NTM: variants seen among roughly 807,000 people sequenced by gnomAD.
NTM encodes the protein neurotrimin.
A neutral mutation model predicts 42.1 loss-of-function variants in NTM; 13 were observed. The observed-to-expected ratio is 0.31, with a 90% confidence interval of 0.20 to 0.49. NTM has a LOEUF of 0.49. Ranked by LOEUF, NTM falls within the 20% of genes least tolerant of loss-of-function variation. NTM has a pLI of 0.99. For missense variants in NTM, 373 were observed against 452.8 expected (o/e 0.82, Z 1.60); for synonymous variants, 187 against 179.2 (o/e 1.04, Z -0.35).
At chr11:132,262,696 T>C (rs992857544) in intron 4 of NTM, among the ~76,000 whole-genome samples, 1 of 152,160 alleles carries the variant, frequency 6.6e-6, no homozygotes, top group African/African-American at 2.4e-5. Flanking sequence ...GTCTTCAACA[T>C]AGGAATTTTG....
rs369483408 is a variant in NTM, at chr11:131,391,711, G to T, written c.82+20823G>T. ...GATTGGGTGCGGGAGGAGAGGGTCG[G>T]GAGACAGAAACAGGCTCCCAGCACC... On this transcript the variant is annotated intron_variant, in intron 1 of 8. Coordinates refer to ENST00000683400, the MANE Select transcript of NTM (RefSeq NM_001352005.2). Among the ~76,000 whole-genome samples, 5 of 151,320 alleles carry T rather than the reference G, an allele frequency of 3.3e-5. No homozygotes were observed. In the East Asian group the frequency reaches 9.8e-4, roughly 30 times the overall value.
rs1371767218 is a variant in NTM, at chr11:131,457,710, T to C, written c.82+86822T>C. 2.0e-5 allele frequency among the ~76,000 whole-genome samples: 3 copies of C among 149,852 alleles called. No individual in the cohort carries two copies. The East Asian group carries it at 6.0e-4, about 30-fold the overall frequency. On this transcript the variant is annotated intron_variant, in intron 1 of 8. Coordinates refer to ENST00000683400, the MANE Select transcript of NTM (RefSeq NM_001352005.2). ...GGAATCATATGTGCAATGCACTAAA[T>C]GTTTTTGTCCTCCCCCCCCAAATTT...
At chr11:131,453,965 A>G (rs989139833) in intron 1 of NTM, among the ~76,000 whole-genome samples, 3 of 152,218 alleles carry the variant, frequency 2.0e-5, no homozygotes, top group South Asian at 2.1e-4. Context: ...ACCTTCCAGC[A>G]TCATTTCCAT....
At chr11:132,222,292 A>G (rs2085330845) in intron 4 of NTM, among the ~76,000 whole-genome samples, 1 of 152,180 alleles carries the variant, frequency 6.6e-6, no homozygotes, top group Non-Finnish European at 1.5e-5. Flanking sequence ...GGACGGACAC[A>G]GCCTCCCTCT....
intron 1 of NTM, among the ~76,000 whole-genome samples, chr11:131,885,232 C>T (rs1009296520): frequency 2.6e-5 from 4 of 152,312 alleles, no homozygotes; most frequent in Non-Finnish European, 5.9e-5. Context: ...ACTGGGTATA[C>T]AACAGCAAAC....
chr11:132,322,426 CAAA>C (rs1365043518), intron 7 of NTM, among the ~76,000 whole-genome samples: 3 of 140,738 alleles, frequency 2.1e-5, no homozygotes, highest in Non-Finnish European at 4.6e-5. Context: ...TCAAAAGAGA[CAAA>C]GAAGGCCATT....
At chr11:131,489,211 A>T (rs1954507526) in intron 1 of NTM, among the ~76,000 whole-genome samples, 1 of 152,124 alleles carries the variant, frequency 6.6e-6, no homozygotes, top group South Asian at 2.1e-4. Context: ...CTATGCCCTC[A>T]GATTCATTCT....
intron 1 of NTM, among the ~76,000 whole-genome samples, chr11:131,636,940 C>T (rs2064476602): frequency 1.3e-5 from 2 of 152,148 alleles, no homozygotes; most frequent in South Asian, 4.2e-4. Flanking sequence ...TTCATGGTGG[C>T]TTCCGCTCAG....
chr11:131,899,944 G>A (rs1399987302), intron 1 of NTM, among the ~76,000 whole-genome samples: 3 of 152,216 alleles, frequency 2.0e-5, no homozygotes, highest in Non-Finnish European at 2.9e-5. Context: ...TTCCTCAGCT[G>A]TGCTGGTCAC....
At chr11:131,651,949 G>A (rs1057306348) in intron 1 of NTM, among the ~76,000 whole-genome samples, 5 of 151,992 alleles carry the variant, frequency 3.3e-5, no homozygotes, top group Non-Finnish European at 5.9e-5. Flanking sequence ...CTGAGGTCAG[G>A]GAACAGATAG....
chr11:131,732,867 A>T (rs1347201115), intron 1 of NTM, among the ~76,000 whole-genome samples: 1 of 152,138 alleles, frequency 6.6e-6, no homozygotes, highest in Admixed American at 6.5e-5. Flanking sequence ...GTTCCCAATG[A>T]TATCTTTCAG....
At chr11:131,851,433 C>T (rs149115280) in intron 1 of NTM, among the ~76,000 whole-genome samples, 19 of 152,230 alleles carry the variant, frequency 1.2e-4, no homozygotes, top group African/African-American at 3.9e-4. Context: ...GTATGGCTAA[C>T]ATTTTCATTC....
intron 2 of NTM, chr11:132,141,219 CT>C (rs759205470): frequency 3.3e-5 from 5 of 151,368 alleles, no homozygotes; most frequent in Non-Finnish European, 5.9e-5. Context: ...TTCTCTCTCT[CT>C]TTCTCTCTCT....
intron 2 of NTM, among the ~76,000 whole-genome samples, chr11:132,007,010 C>G (rs2070945167): frequency 1.3e-5 from 2 of 152,204 alleles, no homozygotes; most frequent in South Asian, 4.1e-4. Context: ...CTCCTGGGCA[C>G]TCTCTTTCCT....
intron 4 of NTM, among the ~76,000 whole-genome samples, chr11:132,236,320 G>C (rs1423220450): frequency 1.3e-5 from 2 of 152,102 alleles, no homozygotes; most frequent in Non-Finnish European, 2.9e-5. Flanking sequence ...AACTTTTGTG[G>C]CAATTTTTTA....
At chr11:131,518,003 C>G (rs191048523) in intron 1 of NTM, among the ~76,000 whole-genome samples, 3 of 152,344 alleles carry the variant, frequency 2.0e-5, no homozygotes, top group Non-Finnish European at 4.4e-5. Flanking sequence ...TATCATGTCT[C>G]TCATTTGTAT....
In NTM at chr11:131,910,465, C is replaced by A. The variant is rs866921549; in HGVS notation, c.83-1099C>A. ...CGGCGGGGGTTAAGGTGGGCGCCCG[C>A]GCCCCGCGCCCCGCGCCCTCCCGCC... On this transcript the variant is annotated intron_variant, in intron 1 of 8. Transcript: ENST00000683400. Among the ~76,000 whole-genome samples the A allele has an allele frequency of 2.0e-4, 30 of 151,310 alleles. 1 individual carries two copies. The East Asian group carries it at 4.5e-3, about 23-fold the overall frequency.
intron 1 of NTM, among the ~76,000 whole-genome samples, chr11:131,797,224 G>T (rs1437959813): frequency 6.6e-6 from 1 of 152,132 alleles, no homozygotes; most frequent in Non-Finnish European, 1.5e-5. Context: ...GTTTTCAAGG[G>T]TGAGTAAAAG....
chr11:131,481,473 G>C (rs1299350876), intron 1 of NTM, among the ~76,000 whole-genome samples: 1 of 152,210 alleles, frequency 6.6e-6, no homozygotes, highest in Non-Finnish European at 1.5e-5. Context: ...GGAGAAGAAG[G>C]GGGAGAACTT....
Sources: allele counts gnomAD v4.1 joint callset (sites outside exome capture counted in the v4.1 genomes callset), GRCh38; gene constraint gnomAD v4.1.1; transcripts MANE v1.5; gene names NCBI Gene and HGNC (gene_info 2026-07-23, HGNC 2026-07-21).